The following THSD7A variants were observed in gnomAD, a reference collection of about 807,000 sequenced individuals.
THSD7A encodes thrombospondin type 1 domain containing 7A.
Under a neutral mutation model 231.3 loss-of-function variants are expected in THSD7A, and 96 were observed. That is an observed-to-expected ratio of 0.41 (90% CI 0.35 to 0.49). The LOEUF (loss-of-function observed/expected upper bound fraction) is 0.49. THSD7A is among the 20% of genes least tolerant of loss of function. The probability of loss-of-function intolerance (pLI) is 0.05; values close to 1 mark genes in which losing one functional copy is unlikely to be tolerated. For synonymous variants in THSD7A, 940 were observed against 743.3 expected, an observed-to-expected ratio of 1.26 and a Z score of -4.30; for missense variants, 2,290 against 2,070.2, an observed-to-expected ratio of 1.11 and a Z score of -2.06.
chr7:11,734,422 T>A (rs750654241), intron 1 of THSD7A, among the ~76,000 whole-genome samples: 83 of 151,944 alleles, frequency 5.5e-4, no homozygotes, highest in Admixed American at 9.9e-4. Context: ...AGGCTTTTCA[T>A]CCTCTACACT....
intron 1 of THSD7A, among the ~76,000 whole-genome samples, chr7:11,751,600 T>C (rs1289275101): frequency 6.6e-6 from 1 of 151,958 alleles, no homozygotes; most frequent in Non-Finnish European, 1.5e-5. Flanking sequence ...CCTGCTCAAA[T>C]CTTCTTTGCA....
At chr7:11,518,413 C>CT (rs1161729837) in intron 6 of THSD7A, among the ~76,000 whole-genome samples, 4 of 152,174 alleles carry the variant, frequency 2.6e-5, no homozygotes, top group African/African-American at 7.2e-5. Flanking sequence ...AGAGTGTACT[C>CT]TAAGTTTGTA....
intron 4 of THSD7A, among the ~76,000 whole-genome samples, chr7:11,583,276 GT>G (rs1791247119): frequency 6.6e-6 from 1 of 151,772 alleles, no homozygotes; most frequent in Non-Finnish European, 1.5e-5. Flanking sequence ...TGGTCTCTAT[GT>G]GATTTTTTGT....
In THSD7A at chr7:11,424,267, C is replaced by T. The variant is rs139344203; in HGVS notation, c.3383+429G>A. 2.1e-3 allele frequency among the ~76,000 whole-genome samples: 318 copies of T among 152,184 alleles called. 1 individual carries two copies. The highest frequency in any genetic ancestry group is 0.01 in the Middle Eastern group (3 of 294). On this transcript the variant is annotated intron_variant, in intron 16 of 27. Coordinates refer to ENST00000423059, the MANE Select transcript of THSD7A (RefSeq NM_015204.3). The stretch of plus-strand genomic sequence containing the variant: ...TGTAGCTACAGAAGAACAAGTGACA[C>T]GCAGGAACCAGCTGGGGGCTTCAGA...
chr7:11,806,493 G>C (rs1784400703), intron 1 of THSD7A, among the ~76,000 whole-genome samples: 1 of 151,912 alleles, frequency 6.6e-6, no homozygotes. Context: ...GTGGTTGTGG[G>C]GATACAATAT....
At chr7:11,378,870 C>T in intron 26 of THSD7A, 200 bp downstream of exon 26, 4 of 566,948 alleles carry the variant, frequency 7.1e-6, no homozygotes, top group Non-Finnish European at 1.2e-5. Flanking sequence ...AATGTAATTT[C>T]ATTTCTCTGA....
chr7:11,468,465 C>T (rs2128300460), intron 9 of THSD7A, among the ~76,000 whole-genome samples: 1 of 151,694 alleles, frequency 6.6e-6, no homozygotes, highest in Middle Eastern at 3.5e-3. Flanking sequence ...AAGTTCATGC[C>T]ATTAACATGT....
chr7:11,543,682 T>C (rs1789248930), intron 4 of THSD7A, among the ~76,000 whole-genome samples: 1 of 152,184 alleles, frequency 6.6e-6, no homozygotes, highest in East Asian at 1.9e-4. Flanking sequence ...TTCCAAAATG[T>C]CTAAATAATA....
At chr7:11,651,761 A>G (rs181163441) in intron 1 of THSD7A, among the ~76,000 whole-genome samples, 2 of 152,080 alleles carry the variant, frequency 1.3e-5, no homozygotes, top group African/African-American at 4.8e-5. Context: ...TTTATTAAAC[A>G]CTGAAAAAAG....
At chr7:11,766,520 G>C (rs1478773088) in intron 1 of THSD7A, among the ~76,000 whole-genome samples, 3 of 152,060 alleles carry the variant, frequency 2.0e-5, no homozygotes, top group Admixed American at 1.3e-4. Flanking sequence ...AACTCTATTG[G>C]TTCAAACGTT....
rs1374445280 is a variant in THSD7A, at chr7:11,636,146, T to C, written c.1006A>G (p.Lys336Glu). ...AAATGTTACCTTAAATCAGCAGCTT[T>C]CCCCGTCTTGTTAATGCACATAACC... ...REVMCINKTG[K>E]AADLSFCQQE... Residue 336 changes from lysine (K) to glutamate (E), a missense_variant, in exon 2 of 28, where the codon AAA (lysine) becomes GAA (glutamate). Lys to Glu is a moderately conservative substitution (Grantham distance 56, BLOSUM62 1). Coordinates refer to ENST00000423059, the MANE Select transcript of THSD7A (RefSeq NM_015204.3). The surrounding 1 kb of genome is among the most constrained non-coding windows in gnomAD (Gnocchi z 10.0). 6.2e-7 allele frequency: 1 copy of C among 1,611,186 alleles called. No homozygotes were observed. The highest frequency in any genetic ancestry group is 2.2e-5 in the East Asian group (1 of 44,876).
At position 11,474,915 on chromosome 7, in the gene THSD7A, A is replaced by C. The variant is rs1786095287; in HGVS notation, c.2018-347T>G. ...CAATTTCACTACTTTTTGGAGTCTG[A>C]AGAATGCCTCAGATTGAAAGAGGCA... On this transcript the variant is annotated intron_variant, in intron 7 of 27. Transcript: ENST00000423059. The surrounding 1 kb of genome is among the most constrained non-coding windows in gnomAD (Gnocchi z 4.1). Among the ~76,000 whole-genome samples the C allele has an allele frequency of 6.6e-6, 1 of 152,306 alleles. No homozygotes were observed. Among genetic ancestry groups the C allele is most frequent in the African/African-American group, 2.4e-5 (1 of 41,570 alleles).
chr7:11,467,746 A>AG (rs1305350912), intron 9 of THSD7A, among the ~76,000 whole-genome samples: 1 of 151,844 alleles, frequency 6.6e-6, no homozygotes, highest in Non-Finnish European at 1.5e-5. Flanking sequence ...TTACTCCTAA[A>AG]AAACCTCTAT....
At chr7:11,733,325 A>C (rs1479702932) in intron 1 of THSD7A, among the ~76,000 whole-genome samples, 2 of 151,806 alleles carry the variant, frequency 1.3e-5, no homozygotes, top group Non-Finnish European at 2.9e-5. Flanking sequence ...TTACATCTTG[A>C]TTTATATACA....
intron 2 of THSD7A, among the ~76,000 whole-genome samples, chr7:11,609,364 A>G (rs1359723958): frequency 6.6e-6 from 1 of 152,130 alleles, no homozygotes; most frequent in African/African-American, 2.4e-5. Context: ...ACACAATGTA[A>G]TAAAAGAAAA....
chr7:11,581,327 T>C (rs994028682), intron 4 of THSD7A, among the ~76,000 whole-genome samples: 1 of 152,110 alleles, frequency 6.6e-6, no homozygotes, highest in African/African-American at 2.4e-5. Flanking sequence ...AATATTCCTG[T>C]GTCACAAGAT....
At chr7:11,738,991 G>A (rs1439510985) in intron 1 of THSD7A, among the ~76,000 whole-genome samples, 1 of 152,014 alleles carries the variant, frequency 6.6e-6, no homozygotes, top group African/African-American at 2.4e-5. Context: ...ACTAATGGAT[G>A]CATCATAGTG....
At chr7:11,414,811 C>T (rs1405658539) in intron 17 of THSD7A, among the ~76,000 whole-genome samples, 4 of 152,214 alleles carry the variant, frequency 2.6e-5, no homozygotes, top group Non-Finnish European at 1.5e-5. Flanking sequence ...TCTGTTTTGA[C>T]ATAATGTGTA....
At chr7:11,743,300 T>C (rs991377046) in intron 1 of THSD7A, among the ~76,000 whole-genome samples, 40 of 151,986 alleles carry the variant, frequency 2.6e-4, no homozygotes, top group African/African-American at 9.6e-4. Context: ...AGTACTGGGT[T>C]TTCTTATGTC....
Sources: allele counts gnomAD v4.1 joint callset (sites outside exome capture counted in the v4.1 genomes callset), GRCh38; gene constraint gnomAD v4.1.1; non-coding constraint Gnocchi (gnomAD v3.1); transcripts MANE v1.5; gene names NCBI Gene and HGNC (gene_info 2026-07-23, HGNC 2026-07-21).